Variants in SLC9A6 observed in about 807,000 individuals in gnomAD.
The protein encoded by SLC9A6 is solute carrier family 9 member A6.
In SLC9A6, 6 loss-of-function variants were observed where a neutral mutation model predicts 45.3. The ratio of observed to expected loss-of-function variants is 0.13; its 90% CI spans 0.07 to 0.26. The LOEUF is 0.26. Among genes scored for constraint, SLC9A6 ranks in the 10% least tolerant of loss-of-function variants. SLC9A6 has a pLI of 1.00. For missense variants in SLC9A6, 278 were observed against 503.7 expected (o/e 0.55, Z 4.29); for synonymous variants, 191 against 187.7 (o/e 1.02, Z -0.14).
Position 135,998,562 on chromosome X carries a change from A to G in SLC9A6, c.524+4A>G. 8.8e-7 allele frequency: 1 copy of G among 1,131,253 alleles called. No individual in the cohort carries two copies. Among genetic ancestry groups the G allele is most frequent in the Non-Finnish European group, 1.2e-6 (1 of 828,932 alleles). The allele number at this position is 1,131,253 out of a possible 1,213,427, so 93.2% of individuals were successfully genotyped here. On this transcript the variant is annotated splice_donor_region_variant and intron_variant, in intron 5 of 17. Transcript: ENST00000630721. ...CAATTTCTTGTTTCGTTATTGGGTA[A>G]GTATTTTAAGCTTAAAATACTTTGT...
intron 5 of SLC9A6, 93 bp downstream of exon 5, chrX:135,998,651 C>G: frequency 1.6e-5 from 12 of 743,510 alleles, no homozygotes; most frequent in Non-Finnish European, 2.4e-5. Context: ...ATATTCCTGA[C>G]TGGGTCTAAA....
intron 7 of SLC9A6, among the ~76,000 whole-genome samples, chrX:136,008,202 G>A (rs782243930): frequency 5.4e-5 from 6 of 111,874 alleles, no homozygotes; most frequent in African/African-American, 1.9e-4. Flanking sequence ...TTGGACCATT[G>A]TGAAGTCTTA....
chrX:136,004,480 G>A (rs989826514), intron 7 of SLC9A6, among the ~76,000 whole-genome samples: 22 of 111,393 alleles, frequency 2.0e-4, no homozygotes, highest in African/African-American at 6.9e-4. Context: ...AGAAGTAAGA[G>A]CCCTTCACAT....
intron 7 of SLC9A6, among the ~76,000 whole-genome samples, chrX:136,006,461 GTTTT>G (rs10712373): frequency 7.9e-4 from 62 of 78,819 alleles, no homozygotes; most frequent in African/African-American, 2.4e-3. Context: ...CTGAAGCACT[GTTTT>G]TTTTTTTTTT....
intron 15 of SLC9A6, 78 bp downstream of exon 15, chrX:136,030,240 C>T: frequency 3.2e-6 from 3 of 937,924 alleles, no homozygotes; most frequent in Non-Finnish European, 4.6e-6. Context: ...CTACTATAAA[C>T]TTCAACCTTC....
chrX:136,036,528 T>A (rs2071415649), intron 16 of SLC9A6, among the ~76,000 whole-genome samples: 2 of 112,220 alleles, frequency 1.8e-5, no homozygotes, highest in Admixed American at 9.4e-5. Flanking sequence ...TTTTGTTTAT[T>A]TTTAAGATAA....
chrX:136,041,243 C>T (rs1337735980), intron 17 of SLC9A6, among the ~76,000 whole-genome samples: 1 of 112,250 alleles, frequency 8.9e-6, no homozygotes, highest in Non-Finnish European at 1.9e-5. Context: ...AGGTGCAACA[C>T]GCAGAACCTT....
chrX:136,004,874 G>A lies in SLC9A6; in HGVS notation c.743+2661G>A, dbSNP rs1030665444. ...GTTTTGTATTATTTGAAGTAAGGGA[G>A]AAATGGATAGTATGGTTATAAAAAA... On this transcript the variant is annotated intron_variant, in intron 7 of 17. Coordinates refer to ENST00000630721, the MANE Select transcript of SLC9A6 (RefSeq NM_001379110.1). Among the ~76,000 whole-genome samples, 286 of 112,224 alleles carry A rather than the reference G, an allele frequency of 2.5e-3. 1 individual carries two copies. The highest frequency in any genetic ancestry group is 8.3e-3 in the African/African-American group (255 of 30,899).
intron 1 of SLC9A6, among the ~76,000 whole-genome samples, chrX:135,979,732 C>T (rs2089278046): frequency 8.9e-6 from 1 of 111,969 alleles, no homozygotes; most frequent in African/African-American, 3.2e-5. Flanking sequence ...CCTTTATAAC[C>T]TCCTAACTGG....
intron 16 of SLC9A6, among the ~76,000 whole-genome samples, chrX:136,034,052 C>G (rs1173612571): frequency 9.0e-6 from 1 of 110,938 alleles, no homozygotes; most frequent in Non-Finnish European, 1.9e-5. Flanking sequence ...TGTTGTAAGT[C>G]TGTTTCATAG....
chrX:136,040,079 T>C lies in SLC9A6; in HGVS notation c.1665T>C (p.Tyr555=). 8.3e-7 allele frequency: 1 copy of C among 1,206,173 alleles called. No individual in the cohort carries two copies. Among genetic ancestry groups the C allele is most frequent in the South Asian group, 1.8e-5 (1 of 56,565 alleles). Residue 555 remains tyrosine (Y), a synonymous_variant, in exon 17 of 18, where the codon TAT becomes TAC. Transcript: ENST00000630721. The part of the protein sequence containing the change: ...FRMWYNFDHN[Y]LKPLLTHSGP... ...AGCTCTTCCTTAACCACCGCAGCTATCTGAAGCCTCTGCTGACCCACAGCG... is the reference window on the plus strand; with the variant it reads ...AGCTCTTCCTTAACCACCGCAGCTACCTGAAGCCTCTGCTGACCCACAGCG...
chrX:135,980,111 G>A (rs1229573436), intron 1 of SLC9A6, among the ~76,000 whole-genome samples: 2 of 111,655 alleles, frequency 1.8e-5, no homozygotes, highest in Non-Finnish European at 3.8e-5. Context: ...TTAATATTGG[G>A]GAGGTTTTTG....
rs2071609062 is a variant in SLC9A6, at chrX:136,046,959, A to G, written c.*2235A>G. ...GTTGCATCTTTTAAAGTTATTTTTT[A>G]AGGTTTCTTGGCATTTATCCTAGTT... On this transcript the variant is annotated 3_prime_UTR_variant, in exon 18 of 18. Transcript: ENST00000630721. 8.9e-6 allele frequency: 1 copy of G among 112,568 alleles called. No homozygotes were observed. Among genetic ancestry groups the G allele is most frequent in the African/African-American group, 3.2e-5 (1 of 30,916 alleles). 9.3% of individuals were successfully genotyped at this position (112,568 alleles called of 1,213,427 possible).
intron 12 of SLC9A6, 70 bp from the exon 13 acceptor site, chrX:136,024,260 T>G: frequency 9.0e-7 from 1 of 1,109,244 alleles, no homozygotes; most frequent in Non-Finnish European, 1.2e-6. Context: ...ACGTGCTTTC[T>G]TGCTCTGAAT....
At chrX:136,040,408 C>T (rs2071488013) in intron 17 of SLC9A6, among the ~76,000 whole-genome samples, 1 of 112,096 alleles carries the variant, frequency 8.9e-6, no homozygotes, top group Non-Finnish European at 1.9e-5. Context: ...AGAATCGTGC[C>T]TCATCTTACT....
At chrX:136,033,150 C>A in intron 15 of SLC9A6, 1 of 235,881 alleles carries the variant, frequency 4.2e-6, no homozygotes, top group Non-Finnish European at 7.8e-6. Context: ...GCATGAGCCA[C>A]CACACCCGGC....
At chrX:136,035,753 T>C (rs895567366) in intron 16 of SLC9A6, among the ~76,000 whole-genome samples, 1 of 110,077 alleles carries the variant, frequency 9.1e-6, no homozygotes, top group Non-Finnish European at 1.9e-5. Context: ...TGTTTGTTTG[T>C]TTGTTTGTTT....
intron 2 of SLC9A6, among the ~76,000 whole-genome samples, chrX:135,992,186 T>G (rs1049241506): frequency 6.3e-5 from 7 of 111,751 alleles, no homozygotes; most frequent in Non-Finnish European, 1.1e-4. Flanking sequence ...TCAGGCCAAC[T>G]TACCCACCTG....
intron 2 of SLC9A6, among the ~76,000 whole-genome samples, chrX:135,991,262 CTT>C (rs34344945): frequency 9.4e-4 from 87 of 92,999 alleles, no homozygotes; most frequent in South Asian, 1.1e-3. Flanking sequence ...CAACTACTGC[CTT>C]TTTTTTTTTT....
Sources: allele counts gnomAD v4.1 joint callset (sites outside exome capture counted in the v4.1 genomes callset), GRCh38; gene constraint gnomAD v4.1.1; transcripts MANE v1.5; gene names NCBI Gene and HGNC (gene_info 2026-07-23, HGNC 2026-07-21).